Variants in PLOD1 observed in about 807,000 individuals in gnomAD.
The protein encoded by PLOD1 is lysine hydroxylase.
In PLOD1, 70 loss-of-function variants were observed where a neutral mutation model predicts 94.7. That is an observed-to-expected ratio of 0.74 (90% CI 0.61 to 0.90). The LOEUF (loss-of-function observed/expected upper bound fraction) is 0.90, where lower values mean the gene tolerates loss of function less well. Ranked by LOEUF, PLOD1 falls within the 40% of genes least tolerant of loss-of-function variation. The probability of loss-of-function intolerance (pLI) is 0.00; values close to 1 mark genes in which losing one functional copy is unlikely to be tolerated. For missense variants in PLOD1, 905 were observed against 972.7 expected (o/e 0.93, Z 0.93); for synonymous variants, 417 against 400.2 (o/e 1.04, Z -0.50).
At chr1:11,965,341 A>G in intron 13 of PLOD1, 139 bp from the exon 14 acceptor site, 4 of 666,748 alleles carry the variant, frequency 6.0e-6, no homozygotes, top group Non-Finnish European at 2.7e-6. Flanking sequence ...CGGTGACTGC[A>G]CTTGGTCTCT....
intron 10 of PLOD1, 152 bp downstream of exon 10, chr1:11,960,919 G>C: frequency 8.2e-7 from 1 of 1,215,596 alleles, no homozygotes; most frequent in Non-Finnish European, 1.1e-6. Flanking sequence ...GTTTCCATCT[G>C]TCAAAAGGGG....
rs1557498296 is a variant in PLOD1 at position 11,967,594 on chromosome 1, T to TATATATATATATATATATATATATAAA, written c.1755+503_1755+504insATATATATATATATATATATATATAAA. Among the ~76,000 whole-genome samples the TATATATATATATATATATATATATAAA allele has an allele frequency of 3.3e-4, 36 of 109,528 alleles. 2 individuals carry two copies. Among genetic ancestry groups the TATATATATATATATATATATATATAAA allele is most frequent in the African/African-American group, 1.6e-3 (34 of 21,812 alleles). 71.9% of individuals were successfully genotyped at this position (109,528 alleles called of 152,430 possible). A position where few individuals can be genotyped will look rare whatever the true frequency, so the allele number is the denominator to read the frequency against. ...TTTTTTTTCTTTTCATGTGTGTGTG[T>TATATATATATATATATATATATATAAA]GTGTATATATATATATATATAAAAA... is the stretch of plus-strand genomic sequence containing the variant. On this transcript the variant is annotated intron_variant, in intron 16 of 18. Coordinates refer to ENST00000196061, the MANE Select transcript of PLOD1 (RefSeq NM_000302.4).
chr1:11,955,223 A>T lies in PLOD1; in HGVS notation c.643+330A>T, dbSNP rs116532694. Among the ~76,000 whole-genome samples the T allele has an allele frequency of 5.5e-3, 833 of 152,330 alleles. 7 individuals are homozygous for T. Among genetic ancestry groups the T allele is most frequent in the African/African-American group, 0.019 (787 of 41,590 alleles). On this transcript the variant is annotated intron_variant, in intron 6 of 18. Transcript: ENST00000196061. ...CCCGGCCCTCCCACCTTCCAGGTGAAGGAGTCCTGGGCTAGGGGCAGGAAC... is the reference window on the plus strand; with the variant it reads ...CCCGGCCCTCCCACCTTCCAGGTGATGGAGTCCTGGGCTAGGGGCAGGAAC...
In PLOD1 at chr1:11,958,364, C is replaced by T. The variant is rs1645754100; in HGVS notation, c.844-152C>T. The T allele has an allele frequency of 4.8e-6, 4 of 832,126 alleles. No individual in the cohort carries two copies. The highest frequency in any genetic ancestry group is 4.0e-5 in the Admixed American group (2 of 49,832). The allele number at this position is 832,126 out of a possible 1,614,324, so 51.5% of individuals were successfully genotyped here. ...CCTGCTGCTTCCCTGCCCCCCCGTA[C>T]CCCCTGACTGGAGTTCCCCGGCCCG... On this transcript the variant is annotated intron_variant, in intron 8 of 18. Transcript: ENST00000196061. The surrounding 1 kb of genome is among the most constrained non-coding windows in gnomAD (Gnocchi z 4.3).
intron 13 of PLOD1, among the ~76,000 whole-genome samples, 171 bp downstream of exon 13, chr1:11,964,956 C>T (rs1440246010): frequency 5.3e-5 from 8 of 152,098 alleles, no homozygotes; most frequent in African/African-American, 1.7e-4. Flanking sequence ...GAATGGGGGC[C>T]GTCGGGCACG....
intron 1 of PLOD1, among the ~76,000 whole-genome samples, chr1:11,941,377 G>C (rs1645614073): frequency 1.3e-5 from 2 of 152,006 alleles, no homozygotes; most frequent in Non-Finnish European, 2.9e-5. Context: ...TGTCACCCGG[G>C]CTGGGGTGCA....
intron 4 of PLOD1, among the ~76,000 whole-genome samples, 198 bp downstream of exon 4, chr1:11,950,718 C>G (rs989069069): frequency 6.6e-6 from 1 of 152,178 alleles, no homozygotes; most frequent in African/African-American, 2.4e-5. Flanking sequence ...CACGCAGCCC[C>G]ATAGACAGAA....
intron 10 of PLOD1, among the ~76,000 whole-genome samples, chr1:11,961,247 TG>T (rs1340069890): frequency 2.6e-5 from 4 of 151,624 alleles, no homozygotes. Flanking sequence ...TAGCCAAGTG[TG>T]GTGGCTTGAA....
chr1:11,954,932 G>A, intron 6 of PLOD1, 39 bp downstream of exon 6: 1 of 1,492,088 alleles, frequency 6.7e-7, no homozygotes, highest in Non-Finnish European at 9.4e-7. Context: ...TCCTCAGAGG[G>A]GTGATAGGAA....
At chr1:11,966,956 A>G in intron 15 of PLOD1, 31 bp from the exon 16 acceptor site, 1 of 1,315,976 alleles carries the variant, frequency 7.6e-7, no homozygotes, top group Non-Finnish European at 1.1e-6. Flanking sequence ...GCCACTGTGG[A>G]CCCCCTTGAC....
chr1:11,962,634 T>C lies in PLOD1; in HGVS notation c.1098-898T>C, dbSNP rs191813539. ...TAAAATCAGCCAAGTGCAGTGGCTGTAATCCCAGCACTTTGGGAGGCCAAG... is the reference window on the plus strand; with the variant it reads ...TAAAATCAGCCAAGTGCAGTGGCTGCAATCCCAGCACTTTGGGAGGCCAAG... On this transcript the variant is annotated intron_variant, in intron 10 of 18. Transcript: ENST00000196061. Among the ~76,000 whole-genome samples, 550 of 152,264 alleles carry C rather than the reference T, an allele frequency of 3.6e-3. 2 individuals are homozygous for C. Among genetic ancestry groups the C allele is most frequent in the Non-Finnish European group, 5.8e-3 (394 of 68,020 alleles).
At chr1:11,970,534 A>C in intron 16 of PLOD1, 136 bp from the exon 17 acceptor site, 1 of 823,288 alleles carries the variant, frequency 1.2e-6, no homozygotes, top group Non-Finnish European at 2.0e-6. Flanking sequence ...AGGAGCCTTA[A>C]TTGTATCTGC....
intron 1 of PLOD1, among the ~76,000 whole-genome samples, chr1:11,946,474 A>G (rs931343761): frequency 6.6e-6 from 1 of 152,236 alleles, no homozygotes; most frequent in African/African-American, 2.4e-5. Context: ...AAGAGCCTCA[A>G]GCATGGTGTT....
In PLOD1 at chr1:11,952,630, C is replaced by T. The variant is rs1034857794; in HGVS notation, c.474C>T (p.Ile158=). 5.6e-6 allele frequency: 9 copies of T among 1,613,484 alleles called. No individual in the cohort carries two copies. The highest frequency in any genetic ancestry group is 6.8e-6 in the Non-Finnish European group (8 of 1,179,440). Residue 158 remains isoleucine (I), a synonymous_variant, in exon 5 of 19, where the codon ATC becomes ATT. Transcript: ENST00000196061. The part of the protein sequence containing the change: ...GKRFLGSGGF[I]GYAPNLSKLV... ...CCACCCACCAACCTTCAGGCTTCAT[C>T]GGTTATGCCCCCAACCTCAGCAAAC...
chr1:11,949,488 C>T (rs1369538296), intron 2 of PLOD1, among the ~76,000 whole-genome samples: 2 of 152,062 alleles, frequency 1.3e-5, no homozygotes, highest in Admixed American at 6.6e-5. Context: ...GGAGCGATTT[C>T]GGCTCACTGG....
rs1282397747 is a variant in PLOD1, at chr1:11,972,978, G to A, written c.2009G>A (p.Arg670Gln). The change falls in exon 18 of 19, where the codon CGA becomes CAA. Residue 670 changes from arginine to glutamine, a missense_variant. Coordinates refer to ENST00000196061, the MANE Select transcript of PLOD1 (RefSeq NM_000302.4). The surrounding 1 kb of genome is among the most constrained non-coding windows in gnomAD (Gnocchi z 4.6). ...STFTINIALN[R>Q]VGVDYEGGGC... Reference sequence around the variant, plus strand: ...TTCACCATCAACATCGCCCTGAACCGAGTCGGGGTGGATTACGAGGTGAGC... The same window carrying A: ...TTCACCATCAACATCGCCCTGAACCAAGTCGGGGTGGATTACGAGGTGAGC... The A allele has an allele frequency of 8.1e-6, 13 of 1,613,944 alleles. No individual in the cohort carries two copies. Among genetic ancestry groups the A allele is most frequent in the Admixed American group, 6.7e-5 (4 of 59,970 alleles).
At chr1:11,951,771 T>C (rs1320641505) in intron 4 of PLOD1, among the ~76,000 whole-genome samples, 1 of 150,864 alleles carries the variant, frequency 6.6e-6, no homozygotes, top group Non-Finnish European at 1.5e-5. Flanking sequence ...TACAAAAAAT[T>C]AGCCAGGTGT....
At position 11,972,862 on chromosome 1, in the gene PLOD1, C is replaced by G; in HGVS notation, c.1903-10C>G. 1 of 1,613,962 alleles carries G rather than the reference C, an allele frequency of 6.2e-7. No homozygotes were observed. The highest frequency in any genetic ancestry group is 8.5e-7 in the Non-Finnish European group (1 of 1,179,878). The stretch of plus-strand genomic sequence containing the variant: ...AACACGGGCTCTCTTGTCCCCCTGC[C>G]TTGGTACAGGCCCAGTTTGACCTGG... On this transcript the variant is annotated splice_polypyrimidine_tract_variant and intron_variant, in intron 17 of 18. Coordinates refer to ENST00000196061, the MANE Select transcript of PLOD1 (RefSeq NM_000302.4). The surrounding 1 kb of genome is among the most constrained non-coding windows in gnomAD (Gnocchi z 4.6).
intron 2 of PLOD1, among the ~76,000 whole-genome samples, chr1:11,948,603 A>G (rs1032882086): frequency 1.3e-5 from 2 of 152,002 alleles, no homozygotes; most frequent in African/African-American, 4.8e-5. Flanking sequence ...GATGGCACGC[A>G]CCTGTAATCC....
Sources: allele counts gnomAD v4.1 joint callset (sites outside exome capture counted in the v4.1 genomes callset), GRCh38; gene constraint gnomAD v4.1.1; non-coding constraint Gnocchi (gnomAD v3.1); transcripts MANE v1.5; gene names NCBI Gene and HGNC (gene_info 2026-07-23, HGNC 2026-07-21).